Variants in GOLM1 observed in about 807,000 individuals in gnomAD.
The protein encoded by GOLM1 is epididymis luminal protein 46.
Under a neutral mutation model 50.5 loss-of-function variants are expected in GOLM1, and 31 were observed. The ratio of observed to expected loss-of-function variants is 0.61; its 90% CI spans 0.46 to 0.83. The LOEUF is 0.83. Ranked by LOEUF, GOLM1 falls within the 40% of genes least tolerant of loss-of-function variation. The pLI, the probability that GOLM1 is intolerant of heterozygous loss-of-function variation, is 0.00. For missense variants in GOLM1, 491 were observed against 501.3 expected (o/e 0.98, Z 0.20); for synonymous variants, 178 against 192.8 (o/e 0.92, Z 0.64).
At chr9:86,064,480 T>G (rs948145724) in intron 3 of GOLM1, among the ~76,000 whole-genome samples, 1 of 152,188 alleles carries the variant, frequency 6.6e-6, no homozygotes, top group African/African-American at 2.4e-5. Context: ...CCAAATTCAG[T>G]GCAACATCAC....
intron 8 of GOLM1, among the ~76,000 whole-genome samples, chr9:86,034,255 G>A (rs901082077): frequency 4.6e-5 from 7 of 152,140 alleles, no homozygotes; most frequent in African/African-American, 1.2e-4. Flanking sequence ...GAGCCACTGC[G>A]CCCGGCCAAA....
At chr9:86,040,920 G>T in intron 5 of GOLM1, 52 bp from the exon 6 acceptor site, 1 of 1,573,144 alleles carries the variant, frequency 6.4e-7, no homozygotes. Flanking sequence ...CTGTGTCTCT[G>T]CTGGACGGTG....
intron 1 of GOLM1, among the ~76,000 whole-genome samples, chr9:86,086,545 C>T (rs1043347194): frequency 7.3e-5 from 11 of 150,168 alleles, no homozygotes; most frequent in African/African-American, 2.7e-4. Flanking sequence ...CCCATGCCCA[C>T]GTACTGCCTA....
In GOLM1 at chr9:86,026,365, A is replaced by C. The variant is rs963394736; in HGVS notation, c.*1452T>G. The C allele has an allele frequency of 3.0e-6, 3 of 985,212 alleles. No individual in the cohort carries two copies. Among genetic ancestry groups the C allele is most frequent in the Non-Finnish European group, 3.6e-6 (3 of 829,762 alleles). The allele number at this position is 985,212 out of a possible 1,614,324, so 61.0% of individuals were successfully genotyped here. A position where few individuals can be genotyped will look rare whatever the true frequency, so the allele number is the denominator to read the frequency against. On this transcript the variant is annotated 3_prime_UTR_variant, in exon 10 of 10. Transcript: ENST00000388712. Reference sequence around the variant, plus strand: ...GAAAGTTTAACCTTAGTGACTAAGGACATCACATATGAAGAATGTTTAAGT... The same window carrying C: ...GAAAGTTTAACCTTAGTGACTAAGGCCATCACATATGAAGAATGTTTAAGT...
intron 1 of GOLM1, among the ~76,000 whole-genome samples, chr9:86,087,706 T>C (rs149177867): frequency 2.0e-4 from 31 of 152,308 alleles, no homozygotes; most frequent in African/African-American, 6.7e-4. Flanking sequence ...AACCATGTGG[T>C]TTTTGCCATT....
intron 3 of GOLM1, among the ~76,000 whole-genome samples, chr9:86,054,322 A>G (rs983199965): frequency 3.4e-5 from 5 of 149,014 alleles, no homozygotes; most frequent in Non-Finnish European, 5.9e-5. Context: ...GCTGGGGTGC[A>G]ATGGCGCGAT....
At chr9:86,045,751 TTGA>T (rs1265759720) in intron 5 of GOLM1, among the ~76,000 whole-genome samples, 1 of 152,034 alleles carries the variant, frequency 6.6e-6, no homozygotes, top group African/African-American at 2.4e-5. Flanking sequence ...TTAAATTTTT[TTGA>T]TGATGACTGC....
At chr9:86,086,315 GTTTT>G (rs200568454) in intron 1 of GOLM1, among the ~76,000 whole-genome samples, 1 of 151,038 alleles carries the variant, frequency 6.6e-6, no homozygotes, top group Admixed American at 6.6e-5. Context: ...TTTTTGATGG[GTTTT>G]TTTTTCTTGT....
chr9:86,085,724 A>G (rs10868368), intron 1 of GOLM1, among the ~76,000 whole-genome samples: 14,437 of 152,050 alleles, frequency 0.095, 1,278 homozygotes, highest in East Asian at 0.52. Context: ...GAATGAGAAC[A>G]TGTGGTGTTT....
Position 86,036,564 on chromosome 9 carries a change from A to G in GOLM1, c.598-57T>C, listed in dbSNP as rs1285368531. ...GCAGGGCTCTGTGAACAGAAGCCGT[A>G]AAAGAATCCTACCAATGCAATGAAT... On this transcript the variant is annotated intron_variant, in intron 6 of 9. Transcript: ENST00000388712. The G allele has an allele frequency of 8.9e-6, 14 of 1,572,640 alleles. No individual in the cohort carries two copies. The East Asian group carries it at 1.1e-4, about 13-fold the overall frequency.
chr9:86,045,047 C>T (rs1426425131), intron 5 of GOLM1, among the ~76,000 whole-genome samples: 2 of 152,058 alleles, frequency 1.3e-5, no homozygotes, highest in Admixed American at 6.6e-5. Flanking sequence ...CTTTTATCAT[C>T]GCATGTCTAT....
intron 1 of GOLM1, 148 bp from the exon 2 acceptor site, chr9:86,079,489 A>C: frequency 1.6e-6 from 1 of 626,892 alleles, no homozygotes; most frequent in African/African-American, 1.8e-5. Flanking sequence ...CTGTCAAGGG[A>C]GAAGAGTATG....
chr9:86,099,101 G>A (rs1199986521), intron 1 of GOLM1, among the ~76,000 whole-genome samples: 1 of 152,188 alleles, frequency 6.6e-6, no homozygotes, highest in Non-Finnish European at 1.5e-5. Flanking sequence ...CAAAAAGACA[G>A]GCCCCGCATC....
At chr9:86,033,464 C>G in intron 8 of GOLM1, 69 bp from the exon 9 acceptor site, 1 of 956,142 alleles carries the variant, frequency 1.0e-6, no homozygotes, top group Non-Finnish European at 1.7e-6. Context: ...TATCAGAGCA[C>G]AAGTGCTGGG....
chr9:86,065,589 C>G (rs1028739737), intron 3 of GOLM1, among the ~76,000 whole-genome samples: 1 of 152,124 alleles, frequency 6.6e-6, no homozygotes, highest in Non-Finnish European at 1.5e-5. Context: ...TCTGGTGGGG[C>G]CAGTGTGACG....
At chr9:86,037,499 A>T (rs544015864) in intron 6 of GOLM1, among the ~76,000 whole-genome samples, 1 of 152,196 alleles carries the variant, frequency 6.6e-6, no homozygotes, top group South Asian at 2.1e-4. Flanking sequence ...GCATACCAAA[A>T]CTTATGGGAA....
chr9:86,073,518 A>T (rs1834515605), intron 3 of GOLM1, among the ~76,000 whole-genome samples: 1 of 152,166 alleles, frequency 6.6e-6, no homozygotes, highest in Non-Finnish European at 1.5e-5. Flanking sequence ...AGCTGCAGAG[A>T]CTTACTTTCA....
At chr9:86,067,271 A>C (rs985537120) in intron 3 of GOLM1, among the ~76,000 whole-genome samples, 3 of 152,226 alleles carry the variant, frequency 2.0e-5, no homozygotes, top group Admixed American at 1.3e-4. Context: ...TAAAAGAATG[A>C]ATTAAACCAC....
intron 3 of GOLM1, among the ~76,000 whole-genome samples, chr9:86,059,722 C>A (rs976796188): frequency 6.6e-6 from 1 of 151,700 alleles, no homozygotes; most frequent in African/African-American, 2.4e-5. Flanking sequence ...TACTGAAACC[C>A]CGTCTCTACT....
Sources: gnomAD v4.1 joint callset for allele counts (sites outside exome capture counted in the v4.1 genomes callset) on GRCh38, gnomAD v4.1.1 for gene constraint, MANE v1.5 for transcripts, NCBI Gene and HGNC (gene_info 2026-07-23, HGNC 2026-07-21) for gene names.